Variants in FXR1 observed in about 807,000 individuals in gnomAD.
FXR1 encodes FMR1 autosomal homolog 1, also known as RNA-binding protein FXR1.
Under a neutral mutation model 84.0 loss-of-function variants are expected in FXR1, and 15 were observed. The ratio of observed to expected loss-of-function variants is 0.18; its 90% CI spans 0.12 to 0.27. FXR1 has a LOEUF of 0.27. FXR1 is among the 10% of genes least tolerant of loss of function. The pLI is 1.00. For synonymous variants in FXR1, 245 were observed against 250.7 expected (o/e 0.98, Z 0.21); for missense variants, 480 against 774.4 (o/e 0.62, Z 4.51).
At chr3:180,957,262 T>G (rs1711504638) in intron 9 of FXR1, among the ~76,000 whole-genome samples, 1 of 152,244 alleles carries the variant, frequency 6.6e-6, no homozygotes, top group Admixed American at 6.5e-5. Context: ...ATCATGTACA[T>G]GCTTTATGTC....
chr3:180,947,967 A>G (rs372206702), intron 4 of FXR1, 31 bp downstream of exon 4: 30 of 1,336,192 alleles, frequency 2.2e-5, no homozygotes, highest in Admixed American at 5.5e-5. Flanking sequence ...CTTTGTGACT[A>G]GTTTCTAAGG....
chr3:180,918,148 G>A (rs1805565), intron 1 of FXR1, among the ~76,000 whole-genome samples: 37,760 of 151,696 alleles, frequency 0.25, 6,198 homozygotes, highest in African/African-American at 0.45. Flanking sequence ...TTACTTTTAT[G>A]TACCTGTTAT....
Position 180,924,258 on chromosome 3 carries a change from G to A in FXR1, c.52-9076G>A, listed in dbSNP as rs185938477. On this transcript the variant is annotated intron_variant, in intron 1 of 16. Coordinates refer to ENST00000357559, the MANE Select transcript of FXR1 (RefSeq NM_005087.4). Reference sequence around the variant, plus strand: ...AGCTGTCGTGCCCAGCCTTCAGCCCGAGTTTCTTATCTGAACTATAAAGCA... The same window carrying A: ...AGCTGTCGTGCCCAGCCTTCAGCCCAAGTTTCTTATCTGAACTATAAAGCA... 6.6e-5 allele frequency among the ~76,000 whole-genome samples: 10 copies of A among 151,958 alleles called. No individual in the cohort carries two copies. The East Asian group carries it at 1.9e-3, about 29-fold the overall frequency.
In FXR1 at chr3:180,931,026, C is replaced by CAAAAAAAAA. The variant is rs57731098; in HGVS notation, c.52-2295_52-2287dup. Among the ~76,000 whole-genome samples the CAAAAAAAAA allele has an allele frequency of 4.1e-4, 23 of 55,624 alleles. 1 individual carries two copies. Among genetic ancestry groups the CAAAAAAAAA allele is most frequent in the African/African-American group, 9.6e-4 (16 of 16,736 alleles). The allele number at this position is 55,624 out of a possible 152,430, so 36.5% of individuals were successfully genotyped here. A position where few individuals can be genotyped will look rare whatever the true frequency, so the allele number is the denominator to read the frequency against. On this transcript the variant is annotated intron_variant, in intron 1 of 16. Transcript: ENST00000357559. ...CCTGGGCAACAGAGCGAGACTGCCT[C>CAAAAAAAAA]AAAAAAAAAAAAAAAAAAAAAGACG...
intron 3 of FXR1, among the ~76,000 whole-genome samples, chr3:180,947,617 T>G (rs191568908): frequency 2.0e-5 from 3 of 152,262 alleles, no homozygotes; most frequent in Admixed American, 6.5e-5. Context: ...ATAATACTTA[T>G]GTTTAGTAAA....
intron 3 of FXR1, among the ~76,000 whole-genome samples, chr3:180,945,964 A>G (rs1460246632): frequency 6.6e-6 from 1 of 152,188 alleles, no homozygotes; most frequent in Non-Finnish European, 1.5e-5. Flanking sequence ...ACCATCTCAG[A>G]CTTCATAGTC....
chr3:180,952,237 C>T (rs1016446126), intron 8 of FXR1, among the ~76,000 whole-genome samples: 9 of 152,128 alleles, frequency 5.9e-5, no homozygotes, highest in African/African-American at 9.7e-5. Flanking sequence ...GGACTATAGG[C>T]GTGAGCCACC....
chr3:180,956,693 C>CA (rs1722771099), intron 9 of FXR1, among the ~76,000 whole-genome samples: 1 of 144,488 alleles, frequency 6.9e-6, no homozygotes, highest in African/African-American at 2.5e-5. Context: ...CCCTGCCCTA[C>CA]TTTTTTTTTT....
In FXR1 at chr3:180,981,341, C is replaced by A. The variant is rs368717976; in HGVS notation, c.*5049C>A. The A allele has an allele frequency of 5.9e-5, 9 of 151,944 alleles. No homozygotes were observed. The highest frequency in any genetic ancestry group is 2.2e-4 in the African/African-American group (9 of 41,402). 9.4% of individuals were successfully genotyped at this position (151,944 alleles called of 1,614,324 possible). The stretch of plus-strand genomic sequence containing the variant: ...TTAAGAAGCTAGTTCCCTAATTTTT[C>A]TCAGTTCTCATTGGTTTTCCATTTA... On this transcript the variant is annotated 3_prime_UTR_variant, in exon 17 of 17. Coordinates refer to ENST00000357559, the MANE Select transcript of FXR1 (RefSeq NM_005087.4).
chr3:180,958,055 TA>T (rs946172986), intron 10 of FXR1, 127 bp downstream of exon 10: 12 of 455,416 alleles, frequency 2.6e-5, no homozygotes, highest in African/African-American at 1.6e-4. Flanking sequence ...TATGTTTTTA[TA>T]ATATTATTTC....
chr3:180,929,622 C>A (rs1805589), intron 1 of FXR1, among the ~76,000 whole-genome samples: 1 of 152,118 alleles, frequency 6.6e-6, no homozygotes, highest in African/African-American at 2.4e-5. Flanking sequence ...AGCCCCCTGC[C>A]ATGTGCAGAC....
At chr3:180,954,597 C>G (rs1380175860) in intron 9 of FXR1, among the ~76,000 whole-genome samples, 2 of 152,092 alleles carry the variant, frequency 1.3e-5, no homozygotes, top group African/African-American at 2.4e-5. Context: ...TATGCAGTGA[C>G]TATACTAAAA....
At chr3:180,923,905 C>T (rs925490556) in intron 1 of FXR1, among the ~76,000 whole-genome samples, 5 of 152,022 alleles carry the variant, frequency 3.3e-5, no homozygotes, top group Non-Finnish European at 5.9e-5. Context: ...TTTAAAGTTG[C>T]CTAGATAACG....
intron 13 of FXR1, among the ~76,000 whole-genome samples, chr3:180,965,377 A>G (rs1712691073): frequency 6.6e-6 from 1 of 152,236 alleles, no homozygotes; most frequent in South Asian, 2.1e-4. Flanking sequence ...TGTGTTTTAC[A>G]AAATTGAGAG....
chr3:180,932,010 G>C (rs1719973469), intron 1 of FXR1, among the ~76,000 whole-genome samples: 2 of 144,850 alleles, frequency 1.4e-5, no homozygotes, highest in Non-Finnish European at 3.0e-5. Flanking sequence ...CAAAGTGCTG[G>C]GTGCCTGGGC....
At chr3:180,968,804 T>G (rs2108491648) in intron 14 of FXR1, among the ~76,000 whole-genome samples, 2 of 152,262 alleles carry the variant, frequency 1.3e-5, no homozygotes, top group Admixed American at 1.3e-4. Flanking sequence ...TAGGAAACGT[T>G]TTACTTAATT....
At chr3:180,925,545 G>A (rs1719072898) in intron 1 of FXR1, among the ~76,000 whole-genome samples, 1 of 152,140 alleles carries the variant, frequency 6.6e-6, no homozygotes, top group Non-Finnish European at 1.5e-5. Flanking sequence ...TGACTGAAAT[G>A]CTCAGGGGTT....
chr3:180,954,251 AAAAT>A (rs1167842462), intron 9 of FXR1: 2 of 158,408 alleles, frequency 1.3e-5, no homozygotes, highest in East Asian at 1.9e-4. Flanking sequence ...GTGCAGAAGA[AAAAT>A]AACAGTGAAC....
chr3:180,972,708 G>C (rs1437907547), intron 15 of FXR1, among the ~76,000 whole-genome samples: 4 of 152,142 alleles, frequency 2.6e-5, no homozygotes, highest in Non-Finnish European at 2.9e-5. Context: ...TGAGTAGTTT[G>C]GAGGCTTCAA....
Sources: allele counts gnomAD v4.1 joint callset (sites outside exome capture counted in the v4.1 genomes callset), GRCh38; gene constraint gnomAD v4.1.1; transcripts MANE v1.5; gene names NCBI Gene and HGNC (gene_info 2026-07-23, HGNC 2026-07-21).